SGIP1: variants seen among roughly 807,000 people sequenced by gnomAD.
The protein encoded by SGIP1 is SH3-containing GRB2-like protein 3-interacting protein 1.
SGIP1 carries 38 observed loss-of-function variants against 107.5 expected under a neutral mutation model. That is an observed-to-expected ratio of 0.35 (90% confidence interval 0.27 to 0.46). SGIP1 has a LOEUF of 0.46. SGIP1 is among the 20% of genes least tolerant of loss of function. SGIP1 has a pLI of 1.00. For missense variants in SGIP1, 929 were observed against 1,019.5 expected (o/e 0.91, Z 1.21); for synonymous variants, 365 against 366.1 (o/e 1.00, Z 0.03).
chr1:66,613,984 C>G (rs2068625712), intron 1 of SGIP1, among the ~76,000 whole-genome samples: 1 of 152,116 alleles, frequency 6.6e-6, no homozygotes, highest in Admixed American at 6.5e-5. Flanking sequence ...TTGGATGACT[C>G]TAAGCATTGA....
At chr1:66,696,077 G>A (rs143304268) in intron 18 of SGIP1, among the ~76,000 whole-genome samples, 24 of 152,308 alleles carry the variant, frequency 1.6e-4, no homozygotes, top group Non-Finnish European at 3.2e-4. Context: ...GCAGTAAAAT[G>A]GAGAACTATT....
Position 66,743,162 on chromosome 1 carries a change from A to G in SGIP1, c.*67A>G. The G allele has an allele frequency of 6.3e-7, 1 of 1,579,856 alleles. No homozygotes were observed. The highest frequency in any genetic ancestry group is 8.7e-7 in the Non-Finnish European group (1 of 1,154,408). On this transcript the variant is annotated 3_prime_UTR_variant, in exon 25 of 25. Transcript: ENST00000371037. ...AACTGATGTATGAGAAACAGATTTTAATTTTGGTTTGATGAAAACAAACCA... is the reference window on the plus strand; with the variant it reads ...AACTGATGTATGAGAAACAGATTTTGATTTTGGTTTGATGAAAACAAACCA...
At chr1:66,597,742 G>C (rs11208918) in intron 1 of SGIP1, among the ~76,000 whole-genome samples, 7,064 of 152,116 alleles carry the variant, frequency 0.046, 498 homozygotes, top group African/African-American at 0.15. Context: ...CTCAGAGTAT[G>C]GGACTTTCTA....
At chr1:66,615,308 T>C (rs527393540) in intron 1 of SGIP1, among the ~76,000 whole-genome samples, 14 of 152,110 alleles carry the variant, frequency 9.2e-5, no homozygotes, top group South Asian at 4.2e-4. Context: ...TAATTTTCTA[T>C]TTTTAGTGGA....
intron 1 of SGIP1, among the ~76,000 whole-genome samples, chr1:66,594,941 G>T (rs564948777): frequency 6.6e-6 from 1 of 152,258 alleles, no homozygotes; most frequent in East Asian, 1.9e-4. Context: ...TTTGGTGGGT[G>T]CTTTCTCTCT....
chr1:66,612,697 A>G (rs1289422234), intron 1 of SGIP1, among the ~76,000 whole-genome samples: 1 of 152,080 alleles, frequency 6.6e-6, no homozygotes, highest in African/African-American at 2.4e-5. Flanking sequence ...AGATTAAATG[A>G]TTTTTTTTGA....
intron 1 of SGIP1, among the ~76,000 whole-genome samples, chr1:66,547,287 T>A (rs1477030840): frequency 6.6e-6 from 1 of 152,168 alleles, no homozygotes; most frequent in Non-Finnish European, 1.5e-5. Context: ...TCAATGGGGA[T>A]GGATATATGG....
intron 7 of SGIP1, among the ~76,000 whole-genome samples, chr1:66,647,641 C>T (rs1259563955): frequency 3.3e-5 from 5 of 152,124 alleles, no homozygotes; most frequent in Non-Finnish European, 7.4e-5. Flanking sequence ...AAAATATTCC[C>T]AGTACCTATT....
intron 1 of SGIP1, among the ~76,000 whole-genome samples, chr1:66,623,503 A>C (rs1445380027): frequency 1.3e-5 from 2 of 152,166 alleles, no homozygotes; most frequent in Non-Finnish European, 2.9e-5. Context: ...CACCCGCCTC[A>C]GCCTCCCACA....
intron 18 of SGIP1, among the ~76,000 whole-genome samples, chr1:66,716,152 T>G (rs2093227959): frequency 6.6e-6 from 1 of 152,112 alleles, no homozygotes; most frequent in Non-Finnish European, 1.5e-5. Flanking sequence ...ATGTGCCATT[T>G]CTGAGCACTT....
At position 66,690,309 on chromosome 1, in the gene SGIP1, C is replaced by T. The variant is rs1207839959; in HGVS notation, c.1563C>T (p.Pro521=). ...ATTCCTTGAGCGCAGCCACCACTCC[C>T]ACAGTTGGTAAAAATTCTCTCCTCT... The part of the protein sequence containing the change: ...STNSLSAATT[P]TVENEQPSLV... Residue 521 remains proline, a synonymous_variant, in exon 17 of 25, where the codon CCC becomes CCT. Transcript: ENST00000371037. The T allele has an allele frequency of 6.2e-7, 1 of 1,613,990 alleles. No homozygotes were observed. Among genetic ancestry groups the T allele is most frequent in the Non-Finnish European group, 8.5e-7 (1 of 1,180,010 alleles).
At chr1:66,742,460 CTTTTTTTT>C (rs764080079) in intron 24 of SGIP1, among the ~76,000 whole-genome samples, 18 of 45,110 alleles carry the variant, frequency 4.0e-4, no homozygotes, top group East Asian at 2.3e-3. Flanking sequence ...AGCACCCTTT[CTTTTTTTT>C]TTTTTTTTTT....
chr1:66,623,018 C>G (rs928899384), intron 1 of SGIP1, among the ~76,000 whole-genome samples: 1 of 152,128 alleles, frequency 6.6e-6, no homozygotes, highest in South Asian at 2.1e-4. Flanking sequence ...TATTGCTGCT[C>G]TTTGTTGAAG....
chr1:66,559,497 G>A (rs2058637481), intron 1 of SGIP1, among the ~76,000 whole-genome samples: 1 of 152,052 alleles, frequency 6.6e-6, no homozygotes, highest in African/African-American at 2.4e-5. Context: ...ACTGCCTTAG[G>A]TAAGGAGGAC....
intron 1 of SGIP1, among the ~76,000 whole-genome samples, chr1:66,576,589 T>A (rs991621846): frequency 1.3e-5 from 2 of 152,208 alleles, no homozygotes; most frequent in African/African-American, 4.8e-5. Context: ...CAACCTTTAA[T>A]ATTAATACAT....
intron 1 of SGIP1, among the ~76,000 whole-genome samples, chr1:66,583,458 A>C (rs1355577871): frequency 1.3e-5 from 2 of 152,130 alleles, no homozygotes; most frequent in African/African-American, 4.8e-5. Context: ...TACTGGGATT[A>C]ACTATTTGCT....
At chr1:66,617,053 G>C (rs1230591717) in intron 1 of SGIP1, among the ~76,000 whole-genome samples, 1 of 152,182 alleles carries the variant, frequency 6.6e-6, no homozygotes, top group Non-Finnish European at 1.5e-5. Flanking sequence ...ACTTAGTACA[G>C]AGATCACCTG....
chr1:66,686,651 G>A (rs1319005780), intron 15 of SGIP1, among the ~76,000 whole-genome samples: 5 of 152,128 alleles, frequency 3.3e-5, no homozygotes, highest in African/African-American at 2.4e-5. Flanking sequence ...CTAAGCCTCA[G>A]GGTTTGGTCA....
At chr1:66,672,056 G>A (rs2083953861) in intron 11 of SGIP1, 61 bp downstream of exon 11, 2 of 1,510,016 alleles carry the variant, frequency 1.3e-6, no homozygotes, top group South Asian at 1.1e-5. Context: ...TAACAATTAA[G>A]CAAATCTCCT....
Sources: allele counts gnomAD v4.1 joint callset (sites outside exome capture counted in the v4.1 genomes callset), GRCh38; gene constraint gnomAD v4.1.1; transcripts MANE v1.5; gene names NCBI Gene and HGNC (gene_info 2026-07-23, HGNC 2026-07-21).